FDFT1: variants seen among roughly 807,000 people sequenced by gnomAD.
FDFT1 encodes the protein farnesyl-diphosphate farnesyltransferase 1.
FDFT1 carries 68 observed loss-of-function variants against 46.8 expected under a neutral mutation model. The ratio of observed to expected loss-of-function variants is 1.45; its 90% confidence interval spans 1.19 to 1.78. The LOEUF is 1.78. FDFT1 is among the 40% of genes most tolerant of loss of function. The pLI is 0.00. For missense variants in FDFT1, 928 were observed against 524.4 expected, an observed-to-expected ratio of 1.77 and a Z score of -7.52; for synonymous variants, 351 against 185.1, an observed-to-expected ratio of 1.90 and a Z score of -7.28.
chr8:11,824,078 G>T (rs565146134), intron 4 of FDFT1, among the ~76,000 whole-genome samples: 1 of 152,072 alleles, frequency 6.6e-6, no homozygotes, highest in Non-Finnish European at 1.5e-5. Flanking sequence ...GGCCAGGCTG[G>T]TCTAAAACTC....
chr8:11,826,729 C>T (rs992302921), intron 5 of FDFT1, among the ~76,000 whole-genome samples: 5 of 152,106 alleles, frequency 3.3e-5, no homozygotes, highest in Non-Finnish European at 2.9e-5. Context: ...GCAGGAGAAT[C>T]GCTTGAACCC....
chr8:11,818,360 G>GTAGA (rs1472146662), intron 3 of FDFT1, among the ~76,000 whole-genome samples: 8 of 152,210 alleles, frequency 5.3e-5, no homozygotes, highest in African/African-American at 1.9e-4. Context: ...GGAGAGTTCT[G>GTAGA]TAGATGTCTG....
chr8:11,804,693 G>T (rs533785646), intron 1 of FDFT1, among the ~76,000 whole-genome samples: 6 of 133,448 alleles, frequency 4.5e-5, no homozygotes, highest in Non-Finnish European at 9.2e-5. Context: ...TGCAGCCTCC[G>T]CCTCCTGGGT....
At chr8:11,796,392 A>G (rs1018420654) in intron 1 of FDFT1, among the ~76,000 whole-genome samples, 21 of 152,236 alleles carry the variant, frequency 1.4e-4, no homozygotes, top group African/African-American at 5.1e-4. Context: ...AGAGATTATT[A>G]GAATACAGAA....
intron 7 of FDFT1, among the ~76,000 whole-genome samples, chr8:11,834,712 A>G (rs1023584049): frequency 6.6e-6 from 1 of 152,226 alleles, no homozygotes; most frequent in African/African-American, 2.4e-5. Context: ...TCGCAGTTGT[A>G]AGTAGAACTG....
chr8:11,805,463 A>T (rs773551397), intron 1 of FDFT1, among the ~76,000 whole-genome samples: 8 of 152,212 alleles, frequency 5.3e-5, no homozygotes, highest in Non-Finnish European at 1.0e-4. Context: ...CTCCTGTCCA[A>T]TCTAAATCCT....
At chr8:11,817,568 T>G (rs1808632947) in intron 3 of FDFT1, among the ~76,000 whole-genome samples, 1 of 152,244 alleles carries the variant, frequency 6.6e-6, no homozygotes, top group Admixed American at 6.5e-5. Flanking sequence ...TTTCAGAGGT[T>G]CAACTTCTTC....
intron 3 of FDFT1, among the ~76,000 whole-genome samples, chr8:11,820,294 C>A (rs146085494): frequency 0.012 from 1,894 of 152,278 alleles, 38 homozygotes; most frequent in African/African-American, 0.043. Context: ...AGTCAGGCTA[C>A]ATGGGGCTCA....
chr8:11,805,984 AT>A (rs1170525119), intron 1 of FDFT1, among the ~76,000 whole-genome samples: 2 of 152,092 alleles, frequency 1.3e-5, no homozygotes, highest in African/African-American at 4.8e-5. Context: ...TATCAATCTG[AT>A]TATGTAAATT....
chr8:11,813,104 T>C (rs1379199819), intron 3 of FDFT1, among the ~76,000 whole-genome samples: 2 of 152,176 alleles, frequency 1.3e-5, no homozygotes, highest in East Asian at 3.8e-4. Context: ...AGCACAGTGG[T>C]AAGTATTTGT....
intron 1 of FDFT1, 42 bp from the exon 2 acceptor site, chr8:11,808,752 T>C (rs1807271374): frequency 1.2e-6 from 2 of 1,603,134 alleles, no homozygotes; most frequent in East Asian, 2.3e-5. Context: ...CCACTCCTGC[T>C]CCTCGACGTC....
chr8:11,813,390 G>C (rs1229050825), intron 3 of FDFT1, among the ~76,000 whole-genome samples: 6 of 152,034 alleles, frequency 3.9e-5, no homozygotes, highest in Non-Finnish European at 5.9e-5. Flanking sequence ...ATATTTCATC[G>C]TTAATTTACT....
chr8:11,837,319 C>G (rs891128251), intron 7 of FDFT1, among the ~76,000 whole-genome samples: 6 of 152,232 alleles, frequency 3.9e-5, no homozygotes, highest in Admixed American at 2.0e-4. Flanking sequence ...CAACCTCCAC[C>G]TCCCAGGCTC....
chr8:11,806,302 C>T (rs1490623662), intron 1 of FDFT1, among the ~76,000 whole-genome samples: 1 of 152,178 alleles, frequency 6.6e-6, no homozygotes, highest in Non-Finnish European at 1.5e-5. Flanking sequence ...CCTGAGCTTG[C>T]TTTCTCCCCT....
intron 5 of FDFT1, among the ~76,000 whole-genome samples, chr8:11,828,055 A>T (rs1384306427): frequency 1.3e-5 from 2 of 152,150 alleles, no homozygotes; most frequent in African/African-American, 4.8e-5. Context: ...TACAAAAATT[A>T]GCCAAGTGTG....
At position 11,826,215 on chromosome 8, in the gene FDFT1, G is replaced by A; in HGVS notation, c.702G>A (p.Glu234=). Residue 234 remains glutamate (E), a splice_region_variant and synonymous_variant, in exon 5 of 8, where the codon GAG becomes GAA. Coordinates refer to ENST00000220584, the MANE Select transcript of FDFT1 (RefSeq NM_004462.5). Reference sequence around the variant, plus strand: ...GAGGAAGAGAGTTCTGGCCTCAAGAGGTAACAGATTCAGGGTATTTTGGGG... The same window carrying A: ...GAGGAAGAGAGTTCTGGCCTCAAGAAGTAACAGATTCAGGGTATTTTGGGG... ...QQGGREFWPQ[E]VWSRYVKKLG... 2 of 1,526,862 alleles carry A rather than the reference G, an allele frequency of 1.3e-6. No homozygotes were observed. Among genetic ancestry groups the A allele is most frequent in the Non-Finnish European group, 1.8e-6 (2 of 1,122,768 alleles). 94.6% of individuals were successfully genotyped at this position (1,526,862 alleles called of 1,614,324 possible).
intron 1 of FDFT1, 164 bp downstream of exon 1, chr8:11,803,095 C>T: frequency 2.8e-6 from 4 of 1,436,422 alleles, no homozygotes; most frequent in Non-Finnish European, 3.6e-6. Flanking sequence ...CTGTAGGGCC[C>T]GGGTGGACGC....
chr8:11,806,857 C>G (rs1200658029), intron 1 of FDFT1, among the ~76,000 whole-genome samples: 1 of 152,154 alleles, frequency 6.6e-6, no homozygotes, highest in Non-Finnish European at 1.5e-5. Flanking sequence ...GACACCACTT[C>G]TGAATATATT....
At chr8:11,814,057 G>T (rs544221370) in intron 3 of FDFT1, among the ~76,000 whole-genome samples, 3 of 152,266 alleles carry the variant, frequency 2.0e-5, no homozygotes, top group African/African-American at 7.2e-5. Context: ...AAGTGTTTTG[G>T]AGGAGTCTAA....
Sources: gnomAD v4.1 joint callset for allele counts (sites outside exome capture counted in the v4.1 genomes callset) on GRCh38, gnomAD v4.1.1 for gene constraint, MANE v1.5 for transcripts, NCBI Gene and HGNC (gene_info 2026-07-23, HGNC 2026-07-21) for gene names.